GFRAL: variants seen among roughly 807,000 people sequenced by gnomAD.
The protein encoded by GFRAL is GDNF family receptor alpha like, also known as GDNF family receptor alpha-like.
In GFRAL, 36 loss-of-function variants were observed where a neutral mutation model predicts 45.4. The observed-to-expected ratio is 0.79, with a 90% confidence interval of 0.61 to 1.05. The LOEUF is 1.05. GFRAL is among the 50% of genes least tolerant of loss of function. The pLI, the probability that GFRAL is intolerant of heterozygous loss-of-function variation, is 0.00. For synonymous variants in GFRAL, 166 were observed against 154.1 expected (o/e 1.08, Z -0.57); for missense variants, 507 against 467.5 (o/e 1.08, Z -0.78).
intron 6 of GFRAL, among the ~76,000 whole-genome samples, chr6:55,389,338 T>C (rs1768718459): frequency 1.3e-5 from 2 of 152,038 alleles, no homozygotes; most frequent in Admixed American, 6.5e-5. Context: ...GTATTTGAAA[T>C]TATGAAAGCC....
chr6:55,366,015 G>T (rs1768357515), intron 6 of GFRAL, among the ~76,000 whole-genome samples: 1 of 150,758 alleles, frequency 6.6e-6, no homozygotes, highest in South Asian at 2.1e-4. Context: ...AGAAGGAATG[G>T]TACCAGTTCC....
At chr6:55,375,918 G>A (rs898716404) in intron 6 of GFRAL, among the ~76,000 whole-genome samples, 1 of 152,126 alleles carries the variant, frequency 6.6e-6, no homozygotes, top group East Asian at 1.9e-4. Flanking sequence ...GTGAGAAAGG[G>A]CATCCTTATC....
At chr6:55,341,594 A>C (rs1443016778) in intron 3 of GFRAL, among the ~76,000 whole-genome samples, 1 of 152,208 alleles carries the variant, frequency 6.6e-6, no homozygotes, top group Non-Finnish European at 1.5e-5. Context: ...AGAAAAGCTG[A>C]GAATTCTAAA....
At chr6:55,328,871 T>C (rs1767797399) in intron 1 of GFRAL, among the ~76,000 whole-genome samples, 2 of 151,992 alleles carry the variant, frequency 1.3e-5, no homozygotes, top group Non-Finnish European at 2.9e-5. Context: ...CCATATTATA[T>C]TTTTTAGAAT....
intron 3 of GFRAL, 88 bp downstream of exon 3, chr6:55,334,032 GT>G (rs1310597641): frequency 2.5e-6 from 2 of 808,846 alleles, no homozygotes; most frequent in Admixed American, 2.9e-5. Flanking sequence ...TGTGATTAAT[GT>G]TTTTTGTAAT....
At chr6:55,398,844 G>T (rs1768859728) in intron 6 of GFRAL, among the ~76,000 whole-genome samples, 1 of 152,028 alleles carries the variant, frequency 6.6e-6, no homozygotes, top group Admixed American at 6.6e-5. Flanking sequence ...GTAAAGAAAG[G>T]ATCTTTTTCA....
chr6:55,388,520 A>AT (rs1292627545), intron 6 of GFRAL, among the ~76,000 whole-genome samples: 1 of 152,186 alleles, frequency 6.6e-6, no homozygotes, highest in Non-Finnish European at 1.5e-5. Context: ...TTACAATGGT[A>AT]TTTTGTTGAA....
At chr6:55,340,918 G>A (rs758744083) in intron 3 of GFRAL, among the ~76,000 whole-genome samples, 9 of 152,308 alleles carry the variant, frequency 5.9e-5, no homozygotes, top group South Asian at 4.1e-4. Flanking sequence ...ATGGAGCCTC[G>A]CTCATTCCTA....
At chr6:55,349,943 A>G in intron 3 of GFRAL, 149 bp from the exon 4 acceptor site, 1 of 638,120 alleles carries the variant, frequency 1.6e-6, no homozygotes, top group Non-Finnish European at 2.8e-6. Context: ...AATTTTGAAT[A>G]TCAAGGGCTA....
intron 3 of GFRAL, among the ~76,000 whole-genome samples, chr6:55,342,529 A>G (rs962489741): frequency 1.3e-5 from 2 of 152,152 alleles, no homozygotes; most frequent in African/African-American, 4.8e-5. Context: ...AGGAAGCACT[A>G]AACATGGAAA....
intron 6 of GFRAL, among the ~76,000 whole-genome samples, chr6:55,381,704 G>A (rs1050728371): frequency 1.3e-5 from 2 of 151,720 alleles, no homozygotes; most frequent in African/African-American, 2.4e-5. Flanking sequence ...ACTCACTTTT[G>A]TAATTACATG....
At chr6:55,330,104 A>T (rs1244207273) in intron 1 of GFRAL, among the ~76,000 whole-genome samples, 2 of 152,172 alleles carry the variant, frequency 1.3e-5, no homozygotes, top group African/African-American at 4.8e-5. Flanking sequence ...CTTGCGTAAC[A>T]TATTAAATTA....
chr6:55,352,616 G>A lies in GFRAL; in HGVS notation c.701+1033G>A, dbSNP rs76483526. Among the ~76,000 whole-genome samples the A allele has an allele frequency of 1.6e-3, 237 of 152,160 alleles. 8 individuals carry two copies. In the East Asian group the frequency reaches 0.038, roughly 25 times the overall value. Reference sequence around the variant, plus strand: ...TTATGTCCTTATTTGGTTGGATGCAGTATTGTTTATTTAGCAAAATATTTT... The same window carrying A: ...TTATGTCCTTATTTGGTTGGATGCAATATTGTTTATTTAGCAAAATATTTT... On this transcript the variant is annotated intron_variant, in intron 5 of 8. Coordinates refer to ENST00000340465, the MANE Select transcript of GFRAL (RefSeq NM_207410.2).
rs1248558469 is a variant in GFRAL, at chr6:55,333,943, A to G, written c.315A>G (p.Ser105=). 2 of 1,512,678 alleles carry G rather than the reference A, an allele frequency of 1.3e-6. No individual in the cohort carries two copies. The highest frequency in any genetic ancestry group is 2.1e-5 in the Admixed American group (1 of 47,748). 93.7% of individuals were successfully genotyped at this position (1,512,678 alleles called of 1,614,324 possible). A position where few individuals can be genotyped will look rare whatever the true frequency, so the allele number is the denominator to read the frequency against. ...KLLGKKCINK[S]DNVKEDKFKW... ...TTGGAAAAAAATGTATCAATAAATC[A>G]GGTAATATTTTGTTTTAAGAAATGT... Residue 105 remains serine (S), a splice_region_variant and synonymous_variant, in exon 3 of 9, where the codon TCA becomes TCG. Coordinates refer to ENST00000340465, the MANE Select transcript of GFRAL (RefSeq NM_207410.2).
chr6:55,366,407 AT>A (rs1383185314), intron 6 of GFRAL, among the ~76,000 whole-genome samples: 1 of 145,306 alleles, frequency 6.9e-6, no homozygotes, highest in Non-Finnish European at 1.5e-5. Flanking sequence ...GGATTCATTA[AT>A]TTTTTGAAGG....
Sources: allele counts gnomAD v4.1 joint callset (sites outside exome capture counted in the v4.1 genomes callset), GRCh38; gene constraint gnomAD v4.1.1; transcripts MANE v1.5; gene names NCBI Gene and HGNC (gene_info 2026-07-23, HGNC 2026-07-21).